The following TTC19 variants were observed in gnomAD, a reference collection of about 807,000 sequenced individuals.
TTC19 encodes tetratricopeptide repeat domain 19, also known as tetratricopeptide repeat protein 19, mitochondrial.
In TTC19, 38 loss-of-function variants were observed where a neutral mutation model predicts 49.5. The ratio of observed to expected loss-of-function variants is 0.77; its 90% CI spans 0.59 to 1.01. TTC19 has a LOEUF of 1.01. Among genes scored for constraint, TTC19 ranks in the 50% least tolerant of loss-of-function variants. The pLI is 0.00. For missense variants in TTC19, 475 were observed against 477.7 expected, an observed-to-expected ratio of 0.99 and a Z score of 0.05; for synonymous variants, 204 against 185.2, an observed-to-expected ratio of 1.10 and a Z score of -0.83.
At chr17:16,007,725 G>T (rs1434189847) in intron 7 of TTC19, among the ~76,000 whole-genome samples, 1 of 152,188 alleles carries the variant, frequency 6.6e-6, no homozygotes, top group Non-Finnish European at 1.5e-5. Context: ...GATGGAGTGT[G>T]ACAGTGTAAG....
chr17:16,002,739 A>G (rs1218188232), intron 3 of TTC19, 54 bp from the exon 4 acceptor site: 3 of 1,558,382 alleles, frequency 1.9e-6, no homozygotes, highest in Non-Finnish European at 2.7e-6. Flanking sequence ...AAGTTTTGAA[A>G]TAAGTAGGAA....
intron 2 of TTC19, among the ~76,000 whole-genome samples, chr17:16,038,746 G>A (rs1360205713): frequency 6.6e-6 from 1 of 150,804 alleles, no homozygotes; most frequent in African/African-American, 2.5e-5. Context: ...TATGGCTTAC[G>A]ATTATTTTAT....
intron 2 of TTC19, chr17:16,040,861 C>G: frequency 4.9e-6 from 1 of 204,404 alleles, no homozygotes; most frequent in Non-Finnish European, 1.0e-5. Flanking sequence ...GAGACTCTCC[C>G]ATCTGTTTAC....
At chr17:16,036,606 C>G (rs1332402041) in intron 2 of TTC19, among the ~76,000 whole-genome samples, 1 of 152,234 alleles carries the variant, frequency 6.6e-6, no homozygotes, top group Admixed American at 6.5e-5. Context: ...ACATCTTCAT[C>G]AGCACTTTCT....
chr17:16,039,067 C>T (rs2057048113), intron 2 of TTC19, among the ~76,000 whole-genome samples: 1 of 152,098 alleles, frequency 6.6e-6, no homozygotes, highest in Non-Finnish European at 1.5e-5. Flanking sequence ...CCGCACCCGG[C>T]TGGCTTATGT....
intron 7 of TTC19, among the ~76,000 whole-genome samples, chr17:16,013,942 C>G (rs1020337431): frequency 6.6e-6 from 1 of 152,154 alleles, no homozygotes; most frequent in Non-Finnish European, 1.5e-5. Context: ...ACATTTATGT[C>G]AAGTAACTGG....
chr17:16,036,614 T>C (rs1281360293), intron 2 of TTC19, among the ~76,000 whole-genome samples: 1 of 152,250 alleles, frequency 6.6e-6, no homozygotes, highest in African/African-American at 2.4e-5. Context: ...ATCAGCACTT[T>C]CTCCCTCACC....
At chr17:16,002,704 A>T in intron 3 of TTC19, 89 bp from the exon 4 acceptor site, 2 of 1,246,798 alleles carry the variant, frequency 1.6e-6, no homozygotes, top group Non-Finnish European at 2.4e-6. Context: ...TTAAATTTTG[A>T]GGGTGAAAGC....
At chr17:16,037,266 A>G (rs1473137798) in intron 2 of TTC19, among the ~76,000 whole-genome samples, 2 of 152,198 alleles carry the variant, frequency 1.3e-5, no homozygotes, top group African/African-American at 4.8e-5. Flanking sequence ...GTCACTGATC[A>G]CCATCACAGA....
intron 8 of TTC19, among the ~76,000 whole-genome samples, chr17:16,025,655 CTG>C (rs1971530065): frequency 1.3e-5 from 2 of 152,222 alleles, no homozygotes; most frequent in African/African-American, 2.4e-5. Flanking sequence ...GTGTAAAGCT[CTG>C]TGTTAGAACA....
At position 16,026,567 on chromosome 17, in the gene TTC19, A is replaced by G; in HGVS notation, c.859A>G (p.Thr287Ala). 6.2e-7 allele frequency: 1 copy of G among 1,614,182 alleles called. No individual in the cohort carries two copies. The highest frequency in any genetic ancestry group is 8.5e-7 in the Non-Finnish European group (1 of 1,180,014). Residue 287 changes from threonine to alanine, a missense_variant, in exon 9 of 10, where the codon ACT becomes GCT. Physicochemically the swap from Thr to Ala is moderately conservative, Grantham distance 58. Coordinates refer to ENST00000261647, the MANE Select transcript of TTC19 (RefSeq NM_017775.4). ...QTIVLMSDLA[T>A]TLDAQGRFDE... is the part of the protein sequence containing the mutation. ...CATTGTGCTGATGAGTGACCTGGCT[A>G]CTACCCTGGATGCACAGGGCCGCTT...
chr17:16,044,999 G>GA (rs112069615), exon 3 of TTC19: 32,664 of 279,534 alleles, frequency 0.12, 8 homozygotes, highest in South Asian at 0.19. Flanking sequence ...CTGAACTTAA[G>GA]AAAAAAAAAA....
In TTC19 at chr17:16,028,840, A is replaced by AAAAAAAAAAAAAAAAAC; in HGVS notation, c.*1324_*1325insAAAAAAAAAACAAAAAA. The AAAAAAAAAAAAAAAAAC allele has an allele frequency of 5.3e-6, 2 of 378,656 alleles. No homozygotes were observed. The highest frequency in any genetic ancestry group is 1.0e-5 in the Non-Finnish European group (2 of 197,850). The allele number at this position is 378,656 out of a possible 1,614,324, so 23.5% of individuals were successfully genotyped here. ...TCTCAAAAAAAAAAAAAAAAAAAAA[A>AAAAAAAAAAAAAAAAAC]AAAAAACTTTCTGAAGAAAATAAAA... is the stretch of plus-strand genomic sequence containing the variant. On this transcript the variant is annotated 3_prime_UTR_variant, in exon 10 of 10. Transcript: ENST00000261647.
In TTC19 at chr17:16,025,008, T is replaced by C. The variant is rs1489827017; in HGVS notation, c.677-9T>C. ...TGGGTAGATTTGCTGATTCCTCTTT[T>C]CTCCTTAGTGGAAGAGAAAGCCAAT... On this transcript the variant is annotated splice_polypyrimidine_tract_variant and intron_variant, in intron 7 of 9. Coordinates refer to ENST00000261647, the MANE Select transcript of TTC19 (RefSeq NM_017775.4). 8 of 1,613,810 alleles carry C rather than the reference T, an allele frequency of 5.0e-6. No individual in the cohort carries two copies. Among genetic ancestry groups the C allele is most frequent in the Admixed American group, 1.7e-5 (1 of 60,018 alleles).
intron 2 of TTC19, chr17:16,040,248 T>C: frequency 1.5e-6 from 1 of 681,352 alleles, no homozygotes; most frequent in Non-Finnish European, 2.7e-6. Context: ...ATTTATCTTT[T>C]CAATAGGTAT....
chr17:16,036,508 G>C (rs1332637671), intron 2 of TTC19, among the ~76,000 whole-genome samples: 2 of 152,210 alleles, frequency 1.3e-5, no homozygotes, highest in African/African-American at 4.8e-5. Context: ...TCCAGTAGAA[G>C]GCTGTTTTGT....
At chr17:16,043,551 C>T (rs548263329) in intron 2 of TTC19, among the ~76,000 whole-genome samples, 16 of 152,316 alleles carry the variant, frequency 1.1e-4, no homozygotes, top group Admixed American at 2.6e-4. Flanking sequence ...CAACATAGTA[C>T]GCTACTGAAA....
At chr17:16,012,254 C>T (rs1057255533) in intron 7 of TTC19, among the ~76,000 whole-genome samples, 4 of 152,008 alleles carry the variant, frequency 2.6e-5, no homozygotes, top group African/African-American at 9.7e-5. Context: ...TTTGGGAGGC[C>T]AAGGCGGGTG....
chr17:16,039,673 C>T (rs1325296171), intron 2 of TTC19: 6 of 1,599,770 alleles, frequency 3.8e-6, no homozygotes. Flanking sequence ...GAATCAAAAA[C>T]ATTTCCACTT....
Sources: allele counts gnomAD v4.1 joint callset (sites outside exome capture counted in the v4.1 genomes callset), GRCh38; gene constraint gnomAD v4.1.1; transcripts MANE v1.5; gene names NCBI Gene and HGNC (gene_info 2026-07-23, HGNC 2026-07-21).